NCOA7: variants seen among roughly 807,000 people sequenced by gnomAD.
NCOA7 encodes nuclear receptor coactivator 7, also known as 140 kDa estrogen receptor-associated protein.
NCOA7 carries 45 observed loss-of-function variants against 104.3 expected under a neutral mutation model. The observed-to-expected ratio is 0.43, with a 90% confidence interval of 0.34 to 0.55. NCOA7 has a LOEUF of 0.55. Among genes scored for constraint, NCOA7 ranks in the 20% least tolerant of loss-of-function variants. NCOA7 has a pLI of 0.02. For synonymous variants in NCOA7, 398 were observed against 402.3 expected (o/e 0.99, Z 0.13); for missense variants, 1,041 against 1,119.7 (o/e 0.93, Z 1.00).
intron 2 of NCOA7, among the ~76,000 whole-genome samples, chr6:125,852,887 T>G (rs1781240192): frequency 6.6e-6 from 1 of 152,230 alleles, no homozygotes; most frequent in South Asian, 2.1e-4. Context: ...TTCTTTTTGC[T>G]TAGGATTTCT....
chr6:125,899,938 A>G (rs577110244), intron 10 of NCOA7: 2 of 527,898 alleles, frequency 3.8e-6, no homozygotes, highest in African/African-American at 1.9e-5. Context: ...AAGCTTGGAG[A>G]CAAGTAGCTT....
chr6:125,873,886 A>T (rs111419329), intron 3 of NCOA7, among the ~76,000 whole-genome samples: 6 of 152,248 alleles, frequency 3.9e-5, no homozygotes, highest in Non-Finnish European at 5.9e-5. Context: ...ATTCAATTTT[A>T]TATTCTTTTT....
intron 1 of NCOA7, among the ~76,000 whole-genome samples, chr6:125,791,546 G>C (rs1292962135): frequency 6.6e-6 from 1 of 152,232 alleles, no homozygotes; most frequent in African/African-American, 2.4e-5. Flanking sequence ...GAGCTAGCTA[G>C]TTGGTATATA....
chr6:125,792,190 A>C (rs762413313), intron 1 of NCOA7, among the ~76,000 whole-genome samples: 1 of 152,222 alleles, frequency 6.6e-6, no homozygotes, highest in Non-Finnish European at 1.5e-5. Flanking sequence ...GAATCACAGA[A>C]TTGTTCTGTA....
chr6:125,812,276 C>T (rs868049861), intron 1 of NCOA7, among the ~76,000 whole-genome samples: 6 of 152,258 alleles, frequency 3.9e-5, no homozygotes, highest in Middle Eastern at 3.4e-3. Flanking sequence ...CCACTTTACC[C>T]ATTGAAATCC....
rs148429238 is a variant in NCOA7 at position 125,792,725 on chromosome 6, A to T, written c.-65+1658A>T. Among the ~76,000 whole-genome samples, 31 of 152,224 alleles carry T rather than the reference A, an allele frequency of 2.0e-4. No homozygotes were observed. In the East Asian group the frequency reaches 6.0e-3, roughly 29 times the overall value. The stretch of plus-strand genomic sequence containing the variant: ...AATTTGACAGCCAGGGGATTGTGAA[A>T]TGAGGGTTTGCAAGATACAGTGTCT... On this transcript the variant is annotated intron_variant, in intron 1 of 15. Transcript: ENST00000392477.
chr6:125,878,390 A>G lies in NCOA7; in HGVS notation c.459+20A>G. The G allele has an allele frequency of 6.5e-7, 1 of 1,531,076 alleles. No homozygotes were observed. Among genetic ancestry groups the G allele is most frequent in the Middle Eastern group, 1.7e-4 (1 of 5,834 alleles). 94.8% of individuals were successfully genotyped at this position (1,531,076 alleles called of 1,614,324 possible). A position where few individuals can be genotyped will look rare whatever the true frequency, so the allele number is the denominator to read the frequency against. On this transcript the variant is annotated intron_variant, in intron 5 of 15. Coordinates refer to ENST00000392477, the MANE Select transcript of NCOA7 (RefSeq NM_181782.5). ...GGCCAGGTAATTATACTCTTACTGG[A>G]TATAACTCTAGAAATTCTGCATTTA...
Position 125,922,808 on chromosome 6 carries a change from T to C in NCOA7, c.2497T>C (p.Leu833=), listed in dbSNP as rs749860919. ...KSASLDSPVL[L]VIKDMDNQIF... ...GGCATCACTAGACAGTCCTGTCCTA[T>C]TGGTCATCAAAGATATGGATAATCA... Residue 833 remains leucine, a synonymous_variant, in exon 13 of 16, where the codon TTG becomes CTG. Coordinates refer to ENST00000392477, the MANE Select transcript of NCOA7 (RefSeq NM_181782.5). 6.2e-7 allele frequency: 1 copy of C among 1,614,078 alleles called. No individual in the cohort carries two copies. Among genetic ancestry groups the C allele is most frequent in the Non-Finnish European group, 8.5e-7 (1 of 1,179,990 alleles).
At chr6:125,910,333 A>T (rs1274879570) in intron 10 of NCOA7, among the ~76,000 whole-genome samples, 1 of 152,212 alleles carries the variant, frequency 6.6e-6, no homozygotes, top group Non-Finnish European at 1.5e-5. Flanking sequence ...ACTTATGCCC[A>T]TACATTTTAT....
At position 125,882,474 on chromosome 6, in the gene NCOA7, T is replaced by C. The variant is rs748150025; in HGVS notation, c.622T>C (p.Ser208Pro). Residue 208 changes from serine to proline, a missense_variant, in exon 7 of 16, where the codon TCG becomes CCG. Around this residue, in one of 2 missense-constraint regions of NCOA7, gnomAD observed 914 missense variants for 942.7 expected, o/e 0.97. Coordinates refer to ENST00000392477, the MANE Select transcript of NCOA7 (RefSeq NM_181782.5). ...KALKPIERVL[S>P]STSEEDEPGV... ...CTTGAAACCCATTGAAAGAGTCTTATCGTCTACTTCTGAAGAAGATGAGCC... is the reference window on the plus strand; with the variant it reads ...CTTGAAACCCATTGAAAGAGTCTTACCGTCTACTTCTGAAGAAGATGAGCC... 3.7e-6 allele frequency: 6 copies of C among 1,613,878 alleles called. No individual in the cohort carries two copies. Among genetic ancestry groups the C allele is most frequent in the Non-Finnish European group, 5.1e-6 (6 of 1,179,866 alleles).
At chr6:125,919,316 G>C in intron 11 of NCOA7, 2 of 1,612,762 alleles carry the variant, frequency 1.2e-6, no homozygotes, top group Non-Finnish European at 1.7e-6. Context: ...GAGAAAACTT[G>C]TTCCTCATTA....
At chr6:125,808,774 C>T (rs760317595) in intron 1 of NCOA7, among the ~76,000 whole-genome samples, 8 of 152,222 alleles carry the variant, frequency 5.3e-5, no homozygotes, top group Non-Finnish European at 1.0e-4. Context: ...TTAGAAATCT[C>T]ATTTGCATGT....
intron 10 of NCOA7, among the ~76,000 whole-genome samples, chr6:125,901,714 A>C (rs976321746): frequency 2.6e-5 from 4 of 152,210 alleles, no homozygotes; most frequent in Admixed American, 6.5e-5. Flanking sequence ...GTGGAGAGTC[A>C]GGGTGATAGC....
chr6:125,908,331 C>T (rs1159619816), intron 10 of NCOA7, among the ~76,000 whole-genome samples: 1 of 152,176 alleles, frequency 6.6e-6, no homozygotes, highest in Non-Finnish European at 1.5e-5. Flanking sequence ...CCATAACATG[C>T]CCACAGTGGC....
At chr6:125,861,465 C>A (rs1215981301) in intron 3 of NCOA7, among the ~76,000 whole-genome samples, 3 of 152,006 alleles carry the variant, frequency 2.0e-5, no homozygotes, top group Admixed American at 1.3e-4. Flanking sequence ...TAATGATCGT[C>A]CTGGTACTTT....
In NCOA7 at chr6:125,844,307, C is replaced by T. The variant is rs149925558; in HGVS notation, c.51-10713C>T. On this transcript the variant is annotated intron_variant, in intron 2 of 15. Coordinates refer to ENST00000392477, the MANE Select transcript of NCOA7 (RefSeq NM_181782.5). ...CCTAACTGTATTGGTTCTTTGAAGC[C>T]GGAGTATTTTCGTTTTAACTGATGA... Among the ~76,000 whole-genome samples, 513 of 152,156 alleles carry T rather than the reference C, an allele frequency of 3.4e-3. 2 individuals carry two copies. Among genetic ancestry groups the T allele is most frequent in the African/African-American group, 0.012 (484 of 41,506 alleles).
At chr6:125,899,766 C>T in intron 10 of NCOA7, 1 of 191,544 alleles carries the variant, frequency 5.2e-6, no homozygotes, top group Admixed American at 5.2e-5. Context: ...AATTCATTAC[C>T]CTCCAAAAAC....
At chr6:125,882,677 G>A (rs1783941911) in intron 7 of NCOA7, 126 bp downstream of exon 7, 7 of 1,153,038 alleles carry the variant, frequency 6.1e-6, no homozygotes, top group East Asian at 5.2e-5. Context: ...GGTTTGACAA[G>A]CATCCATTAG....
At chr6:125,917,835 G>A (rs567230079) in intron 11 of NCOA7, among the ~76,000 whole-genome samples, 27 of 152,344 alleles carry the variant, frequency 1.8e-4, no homozygotes, top group African/African-American at 6.0e-4. Context: ...GAATCCAAAT[G>A]TTGCATGTGC....
Sources: allele counts gnomAD v4.1 joint callset (sites outside exome capture counted in the v4.1 genomes callset), GRCh38; gene constraint gnomAD v4.1.1; regional missense constraint gnomAD v4.1.1; transcripts MANE v1.5; gene names NCBI Gene and HGNC (gene_info 2026-07-23, HGNC 2026-07-21).